The following KIF25 variants were observed in gnomAD, a reference collection of about 807,000 sequenced individuals.
KIF25 encodes kinesin-like protein KIF25.
KIF25 carries 19 observed loss-of-function variants against 32.9 expected under a neutral mutation model. The ratio of observed to expected loss-of-function variants is 0.58; its 90% CI spans 0.40 to 0.85. KIF25 has a LOEUF of 0.85. Ranked by LOEUF, KIF25 falls within the 40% of genes least tolerant of loss-of-function variation. The pLI is 0.00. For synonymous variants in KIF25, 225 were observed against 213.7 expected, an observed-to-expected ratio of 1.05 and a Z score of -0.46; for missense variants, 485 against 507.0, an observed-to-expected ratio of 0.96 and a Z score of 0.42.
rs184733638 is a variant in KIF25 at position 168,027,750 on chromosome 6, C to T, written c.-94-1742C>T. On this transcript the variant is annotated intron_variant, in intron 5 of 12. Transcript: ENST00000643607. ...ACGAGGTCAGATGCATGGGTTGTTC[C>T]GGTCCGTGGGTGAGAAACGGGTTCT... Among the ~76,000 whole-genome samples the T allele has an allele frequency of 1.1e-3, 172 of 152,246 alleles. 2 individuals carry two copies. The highest frequency in any genetic ancestry group is 7.8e-3 in the Admixed American group (119 of 15,296).
At chr6:168,003,947 G>A (rs1408221555) in intron 4 of KIF25, among the ~76,000 whole-genome samples, 2 of 152,134 alleles carry the variant, frequency 1.3e-5, no homozygotes, top group East Asian at 1.9e-4. Context: ...TGATCAATCA[G>A]TGCAAATATG....
At chr6:168,022,362 C>A (rs1798798118) in intron 5 of KIF25, among the ~76,000 whole-genome samples, 1 of 152,114 alleles carries the variant, frequency 6.6e-6, no homozygotes, top group Admixed American at 6.6e-5. Context: ...AATCTTCTTA[C>A]CCTTTTAAAA....
chr6:168,023,482 G>T (rs1189265095), intron 5 of KIF25, among the ~76,000 whole-genome samples: 1 of 152,070 alleles, frequency 6.6e-6, no homozygotes, highest in East Asian at 1.9e-4. Context: ...TGGCCCAGCA[G>T]GTCTTGAACT....
intron 11 of KIF25, 23 bp from the exon 12 acceptor site, chr6:168,042,538 T>C (rs202177362): frequency 3.1e-6 from 5 of 1,599,076 alleles, no homozygotes; most frequent in South Asian, 1.1e-5. Context: ...CAAACGGTGA[T>C]GGTGCGTGGC....
intron 2 of KIF25, among the ~76,000 whole-genome samples, chr6:168,000,864 A>G (rs528238995): frequency 1.8e-4 from 27 of 152,232 alleles, no homozygotes; most frequent in African/African-American, 6.3e-4. Flanking sequence ...AATCTGTCCA[A>G]ATGAGCTTTC....
chr6:168,025,752 T>A (rs1798851551), intron 5 of KIF25, among the ~76,000 whole-genome samples: 2 of 152,234 alleles, frequency 1.3e-5, no homozygotes, highest in African/African-American at 4.8e-5. Context: ...AGCACAGAGC[T>A]GCTGAGAAGG....
chr6:168,031,074 A>G (rs1483678244), intron 7 of KIF25, among the ~76,000 whole-genome samples: 1 of 152,214 alleles, frequency 6.6e-6, no homozygotes, highest in Non-Finnish European at 1.5e-5. Context: ...TTAAATGAGC[A>G]TATCCACCTG....
Position 168,004,382 on chromosome 6 carries a change from A to G in KIF25, c.-163+679A>G, listed in dbSNP as rs139287304. ...AAAGCAGATTGAAATATATAATTAT[A>G]TGTACAATCTTGAGTTCATAATAAT... On this transcript the variant is annotated intron_variant, in intron 4 of 12. Coordinates refer to ENST00000643607, the MANE Select transcript of KIF25 (RefSeq NM_030615.4). Among the ~76,000 whole-genome samples, 31 of 152,314 alleles carry G rather than the reference A, an allele frequency of 2.0e-4. No individual in the cohort carries two copies. In the East Asian group the frequency reaches 4.2e-3, roughly 21 times the overall value.
chr6:168,032,436 A>C (rs541811089), intron 7 of KIF25, among the ~76,000 whole-genome samples: 1 of 152,262 alleles, frequency 6.6e-6, no homozygotes, highest in Non-Finnish European at 1.5e-5. Flanking sequence ...TGGAAGAGAC[A>C]TAGCCTATAG....
rs2114920600 is a variant in KIF25, at chr6:168,045,084, G to A, written c.*88G>A. ...GCTTAGAAATAAACAGGTTTCACGTGGACTCAATAAACCTGGCTTTATTCC... is the reference window on the plus strand; with the variant it reads ...GCTTAGAAATAAACAGGTTTCACGTAGACTCAATAAACCTGGCTTTATTCC... On this transcript the variant is annotated 3_prime_UTR_variant, in exon 13 of 13. Transcript: ENST00000643607. The A allele has an allele frequency of 7.6e-7, 1 of 1,319,406 alleles. No homozygotes were observed. Among genetic ancestry groups the A allele is most frequent in the Non-Finnish European group, 1.0e-6 (1 of 977,700 alleles). The allele number at this position is 1,319,406 out of a possible 1,614,324, so 81.7% of individuals were successfully genotyped here.
At position 168,030,762 on chromosome 6, in the gene KIF25, T is replaced by G; in HGVS notation, c.93-11T>G. ...CTTCTATTAATACAGCATTTTCACT[T>G]TGTCTCTCAGGGTTTATGGTCCAGC... On this transcript the variant is annotated splice_polypyrimidine_tract_variant and intron_variant, in intron 6 of 12. Transcript: ENST00000643607. 1 of 1,603,486 alleles carries G rather than the reference T, an allele frequency of 6.2e-7. No individual in the cohort carries two copies. The highest frequency in any genetic ancestry group is 8.5e-7 in the Non-Finnish European group (1 of 1,176,082).
At chr6:168,001,302 G>A (rs1391645518) in intron 2 of KIF25, among the ~76,000 whole-genome samples, 2 of 152,230 alleles carry the variant, frequency 1.3e-5, no homozygotes, top group African/African-American at 2.4e-5. Flanking sequence ...TGCTCAAAAC[G>A]TTTTGGATTT....
intron 12 of KIF25, 95 bp downstream of exon 12, chr6:168,042,811 A>G (rs775060840): frequency 7.2e-7 from 1 of 1,398,242 alleles, no homozygotes; most frequent in Non-Finnish European, 9.7e-7. Flanking sequence ...AGGGCCACCC[A>G]TGCACCCCCT....
chr6:168,013,134 T>C (rs1798669640), intron 4 of KIF25, among the ~76,000 whole-genome samples: 1 of 151,940 alleles, frequency 6.6e-6, no homozygotes, highest in Admixed American at 6.6e-5. Context: ...TGTGGGGCTG[T>C]TTCTCATGTC....
At chr6:168,002,374 AAGAC>A (rs1583122923) in intron 2 of KIF25, among the ~76,000 whole-genome samples, 165 bp from the exon 3 acceptor site, 1 of 152,158 alleles carries the variant, frequency 6.6e-6, no homozygotes. Flanking sequence ...GCAGGTGAGA[AAGAC>A]AGGCAAGTTT....
At chr6:168,028,530 A>G (rs1798896568) in intron 5 of KIF25, among the ~76,000 whole-genome samples, 1 of 152,214 alleles carries the variant, frequency 6.6e-6, no homozygotes, top group South Asian at 2.1e-4. Flanking sequence ...AGCCCGTCCC[A>G]TCCCAGTTCC....
chr6:168,044,872 A>G lies in KIF25; in HGVS notation c.1031A>G (p.Gln344Arg). 4 of 1,609,384 alleles carry G rather than the reference A, an allele frequency of 2.5e-6. No homozygotes were observed. Among genetic ancestry groups the G allele is most frequent in the Non-Finnish European group, 3.4e-6 (4 of 1,176,734 alleles). ...GTGATTCTCTGCATTTCTCCCAGCC[A>G]GAGGCACCTGGCACAGACGTTGCAG... ...LLVILCISPS[Q>R]RHLAQTLQGL... The change falls in exon 13 of 13, where the codon CAG becomes CGG. Residue 344 changes from glutamine to arginine, a missense_variant. Physicochemically the swap from Gln to Arg is conservative, Grantham distance 43. Coordinates refer to ENST00000643607, the MANE Select transcript of KIF25 (RefSeq NM_030615.4).
chr6:168,033,403 G>A (rs1426995816), intron 7 of KIF25, among the ~76,000 whole-genome samples: 1 of 151,920 alleles, frequency 6.6e-6, no homozygotes, highest in Non-Finnish European at 1.5e-5. Flanking sequence ...GGGAGGCTTA[G>A]GCAGGAGAAT....
intron 4 of KIF25, among the ~76,000 whole-genome samples, chr6:168,007,058 T>C (rs188809544): frequency 1.3e-5 from 2 of 152,360 alleles, no homozygotes; most frequent in Admixed American, 1.3e-4. Flanking sequence ...ATCTACAACA[T>C]GATAATTTAA....
Sources: allele counts gnomAD v4.1 joint callset (sites outside exome capture counted in the v4.1 genomes callset), GRCh38; gene constraint gnomAD v4.1.1; transcripts MANE v1.5; gene names NCBI Gene and HGNC (gene_info 2026-07-23, HGNC 2026-07-21).